Variants in AGFG1 observed in about 807,000 individuals in gnomAD.
AGFG1 encodes the protein ArfGAP with FG repeats 1.
AGFG1 carries 10 observed loss-of-function variants against 60.6 expected under a neutral mutation model. That is an observed-to-expected ratio of 0.16 (90% CI 0.10 to 0.28). The LOEUF (loss-of-function observed/expected upper bound fraction) is 0.28. Among genes scored for constraint, AGFG1 ranks in the 10% least tolerant of loss-of-function variants. AGFG1 has a pLI of 1.00. For synonymous variants in AGFG1, 247 were observed against 242.9 expected, an observed-to-expected ratio of 1.02 and a Z score of -0.16; for missense variants, 537 against 676.5, an observed-to-expected ratio of 0.79 and a Z score of 2.29.
intron 10 of AGFG1, among the ~76,000 whole-genome samples, chr2:227,549,393 T>G (rs537358182): frequency 5.9e-5 from 9 of 152,358 alleles, no homozygotes; most frequent in Admixed American, 1.3e-4. Flanking sequence ...AAGTTTACTT[T>G]CTATTAACTT....
chr2:227,548,620 C>A (rs1468261049), intron 10 of AGFG1, among the ~76,000 whole-genome samples: 1 of 152,214 alleles, frequency 6.6e-6, no homozygotes, highest in Non-Finnish European at 1.5e-5. Context: ...CAAGACTGCT[C>A]TGAGCCTGTA....
At chr2:227,529,284 T>C (rs1692092085) in intron 5 of AGFG1, among the ~76,000 whole-genome samples, 1 of 152,156 alleles carries the variant, frequency 6.6e-6, no homozygotes, top group Non-Finnish European at 1.5e-5. Flanking sequence ...TTTCCATATA[T>C]AGTTCAGAAA....
chr2:227,510,498 G>GTA lies in AGFG1; in HGVS notation c.262-9448_262-9447dup, dbSNP rs143980954. Among the ~76,000 whole-genome samples, 565 of 152,254 alleles carry GTA rather than the reference G, an allele frequency of 3.7e-3. 5 individuals are homozygous for GTA. Among genetic ancestry groups the GTA allele is most frequent in the Non-Finnish European group, 6.4e-3 (433 of 68,028 alleles). On this transcript the variant is annotated intron_variant, in intron 2 of 12. Transcript: ENST00000310078. ...GAAGCAAGAGTGGAGACAAGACATA[G>GTA]TATGAGAAGCAAAATGATAAACTAT...
chr2:227,518,687 C>G (rs1051324236), intron 2 of AGFG1, among the ~76,000 whole-genome samples: 7 of 151,928 alleles, frequency 4.6e-5, no homozygotes, highest in Admixed American at 4.6e-4. Context: ...CTACGCCTGG[C>G]TAATTTTTTT....
intron 2 of AGFG1, among the ~76,000 whole-genome samples, chr2:227,511,856 G>C (rs960958714): frequency 6.6e-6 from 1 of 152,130 alleles, no homozygotes; most frequent in South Asian, 2.1e-4. Flanking sequence ...TCTGCGATTT[G>C]GTAGAGGGAT....
In AGFG1 at chr2:227,533,598, C is replaced by G. The variant is rs1692222724; in HGVS notation, c.864C>G (p.Phe288Leu). ...CTAATTTTGCTCATTTTGATAACTT[C>G]CCCAAATCCTCCAGTGCTGATTTTG... ...VNANFAHFDN[F>L]PKSSSADFGT... Residue 288 changes from phenylalanine to leucine, a missense_variant, in exon 7 of 13, where the codon TTC becomes TTG. Around this residue, in one of 4 missense-constraint regions of AGFG1, gnomAD observed 287 missense variants for 343.6 expected, o/e 0.84. Transcript: ENST00000310078. The G allele has an allele frequency of 6.2e-7, 1 of 1,613,666 alleles. No individual in the cohort carries two copies. The highest frequency in any genetic ancestry group is 1.3e-5 in the African/African-American group (1 of 74,894).
intron 1 of AGFG1, among the ~76,000 whole-genome samples, chr2:227,487,595 C>A (rs1439510875): frequency 6.6e-6 from 1 of 152,122 alleles, no homozygotes; most frequent in Non-Finnish European, 1.5e-5. Flanking sequence ...GTGGTCAGCT[C>A]TATTTCCAAT....
intron 2 of AGFG1, among the ~76,000 whole-genome samples, chr2:227,495,430 C>T (rs1001926977): frequency 4.0e-5 from 6 of 151,694 alleles, no homozygotes; most frequent in Admixed American, 3.3e-4. Context: ...TCTGTAGTCC[C>T]GGCTACCCAG....
chr2:227,512,703 C>T (rs1420385351), intron 2 of AGFG1, among the ~76,000 whole-genome samples: 2 of 152,024 alleles, frequency 1.3e-5, no homozygotes, highest in African/African-American at 2.4e-5. Flanking sequence ...TTTTCTACTT[C>T]CAAAAAGTGG....
rs752410442 is a variant in AGFG1, at chr2:227,472,179, T to TGGCGGC, written c.-231_-226dup. 7 of 156,408 alleles carry TGGCGGC rather than the reference T, an allele frequency of 4.5e-5. No homozygotes were observed. In the South Asian group the frequency reaches 7.0e-4, roughly 16 times the overall value. The allele number at this position is 156,408 out of a possible 1,614,324, so 9.7% of individuals were successfully genotyped here. A position where few individuals can be genotyped will look rare whatever the true frequency, so the allele number is the denominator to read the frequency against. ...TTCCCCTCAGGAGAAGTCGGGAAGG[T>TGGCGGC]GGCGGCGGCGGCGGCGGTTGTCCCG... On this transcript the variant is annotated 5_prime_UTR_variant, in exon 1 of 13. Transcript: ENST00000310078.
chr2:227,511,472 T>C (rs1381834225), intron 2 of AGFG1, among the ~76,000 whole-genome samples: 1 of 152,212 alleles, frequency 6.6e-6, no homozygotes, highest in African/African-American at 2.4e-5. Context: ...TGGGTGTGAC[T>C]GTGTTCTAAG....
At position 227,524,894 on chromosome 2, in the gene AGFG1, G is replaced by T. The variant is rs958372725; in HGVS notation, c.673G>T (p.Ala225Ser). Residue 225 changes from alanine (A) to serine (S), a missense_variant, in exon 5 of 13, where the codon GCA becomes TCA. By Grantham distance (99) the Ala-to-Ser change is moderately conservative. Transcript: ENST00000310078. ...STATANFANF[A>S]HFNSHAAQNS... Reference sequence around the variant, plus strand: ...AGCTACAGCCAATTTTGCTAACTTTGCACATTTCAACAGTCATGCAGGTAA... The same window carrying T: ...AGCTACAGCCAATTTTGCTAACTTTTCACATTTCAACAGTCATGCAGGTAA... 1 of 1,614,056 alleles carries T rather than the reference G, an allele frequency of 6.2e-7. No individual in the cohort carries two copies. Among genetic ancestry groups the T allele is most frequent in the Non-Finnish European group, 8.5e-7 (1 of 1,179,940 alleles).
chr2:227,523,965 AG>A (rs1691900457), intron 4 of AGFG1, 40 bp downstream of exon 4: 11 of 1,556,484 alleles, frequency 7.1e-6, no homozygotes, highest in Non-Finnish European at 9.7e-6. Context: ...TTCGACTTAA[AG>A]AGGGCTTGAG....
At chr2:227,514,429 G>T (rs1691592765) in intron 2 of AGFG1, among the ~76,000 whole-genome samples, 1 of 152,058 alleles carries the variant, frequency 6.6e-6, no homozygotes, top group African/African-American at 2.4e-5. Flanking sequence ...TTTCGTCCAG[G>T]CTGGTCTTTA....
Position 227,533,667 on chromosome 2 carries a change from T to TTAC in AGFG1, c.933_934insTAC (p.Val311_Ser312insTyr). On this transcript the variant is annotated inframe_insertion, in exon 7 of 13. Coordinates refer to ENST00000310078, the MANE Select transcript of AGFG1 (RefSeq NM_004504.5). ...AGAGTCATCAAACAGCATCAGCTGT[T>TTAC]AGTAAAGTTTCAACGAACAAAGCTG... is the stretch of plus-strand genomic sequence containing the variant. 2 of 1,613,856 alleles carry TTAC rather than the reference T, an allele frequency of 1.2e-6. No homozygotes were observed. Among genetic ancestry groups the TTAC allele is most frequent in the Non-Finnish European group, 1.7e-6 (2 of 1,179,824 alleles).
At chr2:227,549,459 G>A (rs1428473615) in intron 10 of AGFG1, among the ~76,000 whole-genome samples, 1 of 152,134 alleles carries the variant, frequency 6.6e-6, no homozygotes, top group Admixed American at 6.5e-5. Flanking sequence ...TGTACAAGAT[G>A]CCTTTTTCTT....
chr2:227,484,119 C>T (rs1690549551), intron 1 of AGFG1, among the ~76,000 whole-genome samples: 1 of 151,948 alleles, frequency 6.6e-6, no homozygotes, highest in Non-Finnish European at 1.5e-5. Flanking sequence ...ATTAACATTC[C>T]AGAGTTAATC....
chr2:227,561,136 A>G lies in AGFG1; in HGVS notation c.*6641A>G, dbSNP rs1339091239. On this transcript the variant is annotated 3_prime_UTR_variant, in exon 13 of 13. Coordinates refer to ENST00000310078, the MANE Select transcript of AGFG1 (RefSeq NM_004504.5). ...TCTGAAATACTTTAGTATGATAGAT[A>G]AATTTGGTTAAGTTCTTGTTCATTG... 3 of 152,168 alleles carry G rather than the reference A, an allele frequency of 2.0e-5. No individual in the cohort carries two copies. Among genetic ancestry groups the G allele is most frequent in the Admixed American group, 6.5e-5 (1 of 15,284 alleles). The allele number at this position is 152,168 out of a possible 1,614,324, so 9.4% of individuals were successfully genotyped here.
At chr2:227,525,485 C>G (rs1244108051) in intron 5 of AGFG1, among the ~76,000 whole-genome samples, 1 of 152,136 alleles carries the variant, frequency 6.6e-6, no homozygotes, top group Non-Finnish European at 1.5e-5. Context: ...TACATACATG[C>G]ATATATACAT....
Sources: gnomAD v4.1 joint callset for allele counts (sites outside exome capture counted in the v4.1 genomes callset) on GRCh38, gnomAD v4.1.1 for gene constraint, gnomAD v4.1.1 regional missense constraint, MANE v1.5 for transcripts, NCBI Gene and HGNC (gene_info 2026-07-23, HGNC 2026-07-21) for gene names.